The following ANK3 variants were observed in gnomAD, a reference collection of about 807,000 sequenced individuals.
ANK3 encodes the protein ankyrin 3.
A neutral mutation model predicts 370.9 loss-of-function variants in ANK3; 57 were observed. The observed-to-expected ratio is 0.15, with a 90% CI of 0.12 to 0.19. The LOEUF (loss-of-function observed/expected upper bound fraction) is 0.19. ANK3 is among the 10% of genes least tolerant of loss of function. ANK3 has a pLI of 1.00. For synonymous variants in ANK3, 1,929 were observed against 1,946.3 expected, an observed-to-expected ratio of 0.99 and a Z score of 0.23; for missense variants, 4,439 against 5,302.1, an observed-to-expected ratio of 0.84 and a Z score of 5.06.
intron 2 of ANK3, among the ~76,000 whole-genome samples, chr10:60,401,283 A>T (rs549499057): frequency 6.6e-6 from 1 of 152,324 alleles, no homozygotes; most frequent in East Asian, 1.9e-4. Context: ...AAGCAACATG[A>T]ATAAGCACTA....
chr10:60,065,001 A>T (rs2081356119), intron 38 of ANK3, among the ~76,000 whole-genome samples: 1 of 152,200 alleles, frequency 6.6e-6, no homozygotes, highest in African/African-American at 2.4e-5. Context: ...AGAGATGCTG[A>T]TAGGGTTTGT....
chr10:60,615,351 A>G (rs1595352114), intron 1 of ANK3: 3 of 517,446 alleles, frequency 5.8e-6, no homozygotes, highest in Non-Finnish European at 9.6e-6. Context: ...AAAGGGGAGA[A>G]CACAAAGTAA....
intron 23 of ANK3, chr10:60,140,631 A>AGTG (rs1434701289): frequency 7.2e-7 from 1 of 1,396,780 alleles, no homozygotes; most frequent in African/African-American, 1.5e-5. Flanking sequence ...CACTTAATTG[A>AGTG]GGTTAAGATC....
chr10:60,071,425 A>T lies in ANK3; in HGVS notation c.9456T>A (p.Thr3152=), dbSNP rs41274670. The change falls in exon 37 of 44, where the codon ACT becomes ACA. Residue 3152 remains threonine (T), a synonymous_variant. Coordinates refer to ENST00000280772, the MANE Select transcript of ANK3 (RefSeq NM_020987.5). The stretch of plus-strand genomic sequence containing the variant: ...TGTCTAGAAAGGATACTTGCTCTAG[A>T]GTATCATCTTCTGGACTACCTTGGG... ...PSPQGSPEDD[T]LEQVSFLDSS... The T allele has an allele frequency of 1.1e-5, 18 of 1,613,990 alleles. No homozygotes were observed. The African/African-American group carries it at 1.2e-4, about 11-fold the overall frequency.
intron 1 of ANK3, among the ~76,000 whole-genome samples, chr10:60,615,807 A>T (rs528841182): frequency 6.6e-6 from 1 of 152,294 alleles, no homozygotes; most frequent in Non-Finnish European, 1.5e-5. Context: ...CTCAAAATAG[A>T]AAACCAAGGA....
chr10:60,232,149 T>C (rs2097255420), intron 8 of ANK3, among the ~76,000 whole-genome samples: 1 of 152,136 alleles, frequency 6.6e-6, no homozygotes, highest in South Asian at 2.1e-4. Flanking sequence ...TTGAACGAAA[T>C]AGGACATGTA....
At position 60,733,252 on chromosome 10, in the gene ANK3, G is replaced by A. The variant is rs942226113; in HGVS notation, c.57+11C>T. ...AGGCAGCCGCAGGTAGGGGGGCGGC[G>A]CGGCGCTCACCTGGGCAGGAGCGGA... is the stretch of plus-strand genomic sequence containing the variant. On this transcript the variant is annotated intron_variant, in intron 1 of 43. Coordinates refer to the ANK3 transcript ENST00000373827. The A allele has an allele frequency of 3.2e-6, 4 of 1,240,704 alleles. No individual in the cohort carries two copies. The African/African-American group carries it at 4.7e-5, about 14-fold the overall frequency. The allele number at this position is 1,240,704 out of a possible 1,614,324, so 76.9% of individuals were successfully genotyped here.
chr10:60,620,068 C>A (rs1258897438), intron 1 of ANK3, among the ~76,000 whole-genome samples: 1 of 152,166 alleles, frequency 6.6e-6, no homozygotes, highest in Admixed American at 6.5e-5. Flanking sequence ...AATATTACTA[C>A]AAATGCTAAA....
intron 1 of ANK3, among the ~76,000 whole-genome samples, chr10:60,365,240 A>T (rs1486270366): frequency 6.6e-6 from 1 of 151,854 alleles, no homozygotes; most frequent in Non-Finnish European, 1.5e-5. Context: ...AAGATACATA[A>T]GTTGCTAAAT....
intron 8 of ANK3, among the ~76,000 whole-genome samples, chr10:60,226,552 AT>A (rs1230187190): frequency 7.1e-4 from 11 of 15,550 alleles, no homozygotes; most frequent in Middle Eastern, 0.045. Flanking sequence ...TATATATACT[AT>A]AGTATATATA....
At chr10:60,172,810 A>T (rs1362080815) in intron 20 of ANK3, 90 bp downstream of exon 20, 17 of 783,552 alleles carry the variant, frequency 2.2e-5, no homozygotes, top group Non-Finnish European at 3.6e-5. Flanking sequence ...ATGCCTCTTC[A>T]TGAAAGTACA....
At position 60,514,393 on chromosome 10, in the gene ANK3, T is replaced by C. The variant is rs182399480; in HGVS notation, c.96+100793A>G. ...AATGTAATAGCCAGTAAAGTTTAGGTATTAAGCAATCAGAATGGCCCAGGT... is the reference window on the plus strand; with the variant it reads ...AATGTAATAGCCAGTAAAGTTTAGGCATTAAGCAATCAGAATGGCCCAGGT... On this transcript the variant is annotated intron_variant, in intron 2 of 43. Coordinates refer to the ANK3 transcript ENST00000373827. 9.9e-5 allele frequency among the ~76,000 whole-genome samples: 15 copies of C among 152,198 alleles called. No individual in the cohort carries two copies. The East Asian group carries it at 2.7e-3, about 28-fold the overall frequency.
At chr10:60,390,729 A>AAAACACAC (rs1491146788), upstream of ANK3, among the ~76,000 whole-genome samples, 584 of 107,064 alleles carry the variant, frequency 5.5e-3, 5 homozygotes, top group African/African-American at 0.018. Context: ...TAAAAAAAAG[A>AAAACACAC]ACACACACAC....
intron 1 of ANK3, among the ~76,000 whole-genome samples, chr10:60,321,479 GA>G (rs1480126300): frequency 6.6e-6 from 1 of 152,206 alleles, no homozygotes; most frequent in Non-Finnish European, 1.5e-5. Context: ...TAGCCTGGGA[GA>G]AAGACAGGTA....
intron 2 of ANK3, among the ~76,000 whole-genome samples, chr10:60,601,174 C>CACAT (rs2078056927): frequency 9.3e-6 from 1 of 107,404 alleles, no homozygotes; most frequent in African/African-American, 3.1e-5. Context: ...TTATACAACG[C>CACAT]ACACACACAC....
intron 23 of ANK3, among the ~76,000 whole-genome samples, chr10:60,165,335 A>C (rs1236048029): frequency 6.6e-6 from 1 of 152,224 alleles, no homozygotes; most frequent in Non-Finnish European, 1.5e-5. Context: ...ATTATTCTAA[A>C]AGTCCTAAAG....
chr10:60,479,922 G>C (rs1321336631), intron 2 of ANK3, among the ~76,000 whole-genome samples: 1 of 152,132 alleles, frequency 6.6e-6, no homozygotes, highest in Non-Finnish European at 1.5e-5. Context: ...TTGAGGGAAG[G>C]GGCTTGGTCT....
intron 7 of ANK3, among the ~76,000 whole-genome samples, chr10:60,257,841 A>G (rs942236010): frequency 2.0e-5 from 3 of 152,204 alleles, no homozygotes; most frequent in African/African-American, 7.2e-5. Flanking sequence ...TCAGAGATCA[A>G]AACAGAAAGT....
chr10:60,631,027 G>A (rs531921772), intron 1 of ANK3, among the ~76,000 whole-genome samples: 1 of 152,246 alleles, frequency 6.6e-6, no homozygotes, highest in East Asian at 1.9e-4. Context: ...GGAGATAAAA[G>A]CAAGGGGGAA....
Sources: allele counts gnomAD v4.1 joint callset (sites outside exome capture counted in the v4.1 genomes callset), GRCh38; gene constraint gnomAD v4.1.1; transcripts MANE v1.5; gene names NCBI Gene and HGNC (gene_info 2026-07-23, HGNC 2026-07-21).